FRMD6: variants seen among roughly 807,000 people sequenced by gnomAD.
FRMD6 encodes the protein FERM domain containing 6.
A neutral mutation model predicts 73.2 loss-of-function variants in FRMD6; 37 were observed. The observed-to-expected ratio is 0.51, with a 90% CI of 0.39 to 0.66. The LOEUF is 0.66. FRMD6 is among the 30% of genes least tolerant of loss of function. The pLI is 0.00. For missense variants in FRMD6, 714 were observed against 780.5 expected (o/e 0.91, Z 1.02); for synonymous variants, 273 against 282.2 (o/e 0.97, Z 0.33).
At chr14:51,406,510 G>C in the FRMD6 span, among the ~76,000 whole-genome samples, 1 of 151,984 alleles carries the variant, frequency 6.6e-6, no homozygotes, top group Admixed American at 6.6e-5. Flanking sequence ...ACAGTATTTT[G>C]TAATTCTCAT....
chr14:51,524,943 G>T (rs1393298123), intron 1 of FRMD6, among the ~76,000 whole-genome samples: 1 of 122,858 alleles, frequency 8.1e-6, no homozygotes, highest in Non-Finnish European at 1.6e-5. Flanking sequence ...ACTTTGTGCA[G>T]AAAGATTTTT....
At chr14:51,470,060 C>A in the FRMD6 span, among the ~76,000 whole-genome samples, 1 of 152,050 alleles carries the variant, frequency 6.6e-6, no homozygotes, top group Admixed American at 6.6e-5. Context: ...AATCTAAAAA[C>A]TTTGTTTATA....
At position 51,571,689 on chromosome 14, in the gene FRMD6, G is replaced by A. The variant is rs531371381; in HGVS notation, c.-147+1279G>A. On this transcript the variant is annotated intron_variant, in intron 2 of 14. Coordinates refer to the FRMD6 transcript ENST00000356218. ...CTCCAAATCATACATATTTCTTGAC[G>A]AGTAGGTATCAGAGTCTCTTAGACT... Among the ~76,000 whole-genome samples, 15 of 152,144 alleles carry A rather than the reference G, an allele frequency of 9.9e-5. No homozygotes were observed. In the East Asian group the frequency reaches 2.5e-3, roughly 25 times the overall value.
chr14:51,514,785 C>T lies in FRMD6; in HGVS notation c.-210+25365C>T, dbSNP rs200634302. 2.3e-4 allele frequency among the ~76,000 whole-genome samples: 35 copies of T among 152,240 alleles called. No homozygotes were observed. In the East Asian group the frequency reaches 6.8e-3, roughly 30 times the overall value. ...ATTGTTTGAACCCAGCAGGTGGAGG[C>T]TGCAGTGAGTCAAAATTGCACCACT... is the stretch of plus-strand genomic sequence containing the variant. On this transcript the variant is annotated intron_variant, in intron 1 of 14. Coordinates refer to the FRMD6 transcript ENST00000356218.
intron 1 of FRMD6, among the ~76,000 whole-genome samples, chr14:51,526,270 T>C (rs1885252358): frequency 6.6e-6 from 1 of 152,156 alleles, no homozygotes; most frequent in Non-Finnish European, 1.5e-5. Flanking sequence ...CCCCAGATCA[T>C]GTCTCCTCAC....
chr14:51,572,265 CCAG>C (rs1488886458), intron 2 of FRMD6, among the ~76,000 whole-genome samples: 1 of 152,164 alleles, frequency 6.6e-6, no homozygotes, highest in Non-Finnish European at 1.5e-5. Flanking sequence ...GATCAAAGGA[CCAG>C]AAGAGGATCT....
chr14:51,672,032 T>G (rs1257468141), intron 1 of FRMD6, among the ~76,000 whole-genome samples: 2 of 152,150 alleles, frequency 1.3e-5, no homozygotes, highest in African/African-American at 4.8e-5. Flanking sequence ...TTTAAAGAAA[T>G]GGGATTAAGA....
intron 1 of FRMD6, among the ~76,000 whole-genome samples, chr14:51,678,526 T>C (rs12323408): frequency 0.4 from 60,959 of 151,980 alleles, 12,450 homozygotes; most frequent in African/African-American, 0.47. Context: ...TGACTCCCAT[T>C]GTGGGGGAAA....
At chr14:51,597,656 G>A (rs1381385579) in intron 2 of FRMD6, among the ~76,000 whole-genome samples, 2 of 152,238 alleles carry the variant, frequency 1.3e-5, no homozygotes, top group Non-Finnish European at 2.9e-5. Flanking sequence ...TGATAGGGCT[G>A]TGTGATGAAT....
At chr14:51,404,203 G>T in the FRMD6 span, among the ~76,000 whole-genome samples, 1 of 151,930 alleles carries the variant, frequency 6.6e-6, no homozygotes. Flanking sequence ...ATTTATTGAT[G>T]TATTTTCTCT....
chr14:51,661,263 T>C (rs1398500607), intron 1 of FRMD6, among the ~76,000 whole-genome samples: 1 of 152,190 alleles, frequency 6.6e-6, no homozygotes, highest in Non-Finnish European at 1.5e-5. Context: ...GGACCAAGCC[T>C]TGGGGCATAT....
chr14:51,561,115 T>G (rs1887456003), intron 1 of FRMD6, among the ~76,000 whole-genome samples: 1 of 152,196 alleles, frequency 6.6e-6, no homozygotes, highest in South Asian at 2.1e-4. Flanking sequence ...GGGTACAGAA[T>G]ATTTGCCCTT....
chr14:51,490,571 T>C (rs1882933833), intron 1 of FRMD6, among the ~76,000 whole-genome samples: 1 of 152,096 alleles, frequency 6.6e-6, no homozygotes, highest in South Asian at 2.1e-4. Context: ...GTGTGTATAG[T>C]GTGTGGGGCA....
chr14:51,541,946 G>A (rs952863558), intron 1 of FRMD6, among the ~76,000 whole-genome samples: 2 of 151,890 alleles, frequency 1.3e-5, no homozygotes, highest in Admixed American at 1.3e-4. Flanking sequence ...ATGGTATAAG[G>A]TTTTTATCAT....
rs145538979 is a variant in FRMD6 at position 51,607,058 on chromosome 14, C to G, written c.-147+36648C>G. 1.8e-3 allele frequency among the ~76,000 whole-genome samples: 272 copies of G among 152,200 alleles called. 1 individual carries two copies. Among genetic ancestry groups the G allele is most frequent in the African/African-American group, 6.4e-3 (265 of 41,522 alleles). ...GTAGATTGAATGATGCCCACCCACA[C>G]TGAGGGTGGGTCTTCCCCCACTACT... On this transcript the variant is annotated intron_variant, in intron 2 of 14. Coordinates refer to the FRMD6 transcript ENST00000356218.
chr14:51,595,473 C>T (rs1323541298), intron 2 of FRMD6, among the ~76,000 whole-genome samples: 1 of 152,118 alleles, frequency 6.6e-6, no homozygotes, highest in Admixed American at 6.5e-5. Context: ...AATCTACTTC[C>T]AGGGCAGACA....
the FRMD6 span, among the ~76,000 whole-genome samples, chr14:51,445,319 C>A: frequency 6.6e-6 from 1 of 152,146 alleles, no homozygotes; most frequent in Non-Finnish European, 1.5e-5. Context: ...CTGAAGAGAA[C>A]ATTCCTCCCT....
chr14:51,694,120 A>G (rs535218271), intron 2 of FRMD6, among the ~76,000 whole-genome samples: 2 of 152,304 alleles, frequency 1.3e-5, no homozygotes, highest in Non-Finnish European at 2.9e-5. Context: ...GAATAAATTT[A>G]GTGTTTTGGT....
the FRMD6 span, among the ~76,000 whole-genome samples, chr14:51,409,256 T>C: frequency 3.6e-3 from 547 of 151,984 alleles, 4 homozygotes; most frequent in African/African-American, 0.013. Flanking sequence ...CAGTTTCACC[T>C]GAGTTGACAA....
Sources: allele counts gnomAD v4.1 joint callset (sites outside exome capture counted in the v4.1 genomes callset), GRCh38; gene constraint gnomAD v4.1.1; transcripts MANE v1.5; gene names NCBI Gene and HGNC (gene_info 2026-07-23, HGNC 2026-07-21).